GRIP1: variants seen among roughly 807,000 people sequenced by gnomAD.
GRIP1 encodes the protein glutamate receptor-interacting protein 1.
A neutral mutation model predicts 129.9 loss-of-function variants in GRIP1; 45 were observed. That is an observed-to-expected ratio of 0.35 (90% CI 0.27 to 0.44). The LOEUF (loss-of-function observed/expected upper bound fraction) is 0.44. Among genes scored for constraint, GRIP1 ranks in the 20% least tolerant of loss-of-function variants. The pLI is 1.00. For missense variants in GRIP1, 1,196 were observed against 1,396.8 expected (o/e 0.86, Z 2.29); for synonymous variants, 530 against 520.8 (o/e 1.02, Z -0.24).
chr12:66,684,156 AT>A (rs2034691105), intron 1 of GRIP1, among the ~76,000 whole-genome samples: 1 of 152,156 alleles, frequency 6.6e-6, no homozygotes, highest in Non-Finnish European at 1.5e-5. Context: ...GCCACTTTGT[AT>A]TTGGTAGGAA....
chr12:66,538,971 A>G, intron 4 of GRIP1, 107 bp downstream of exon 4: 1 of 915,244 alleles, frequency 1.1e-6, no homozygotes, highest in Non-Finnish European at 1.8e-6. Context: ...ATGTATGTAT[A>G]GAAAAAAACC....
At chr12:66,459,875 G>A (rs7313348) in intron 9 of GRIP1, among the ~76,000 whole-genome samples, 34,302 of 152,058 alleles carry the variant, frequency 0.23, 4,414 homozygotes, top group Middle Eastern at 0.4. Flanking sequence ...ATAATAAGAT[G>A]TTACATTTTT....
chr12:66,883,052 G>A (rs569237468), intron 1 of GRIP1, among the ~76,000 whole-genome samples: 2 of 152,122 alleles, frequency 1.3e-5, no homozygotes, highest in African/African-American at 2.4e-5. Flanking sequence ...CAAGTTATGA[G>A]TCTACTACCC....
intron 1 of GRIP1, among the ~76,000 whole-genome samples, chr12:67,064,539 C>T (rs1012667966): frequency 6.6e-6 from 1 of 152,150 alleles, no homozygotes; most frequent in Non-Finnish European, 1.5e-5. Context: ...TAACATGGTG[C>T]CTGAAACAAA....
upstream of GRIP1, among the ~76,000 whole-genome samples, chr12:66,681,162 C>G (rs1044977163): frequency 1.3e-5 from 2 of 152,156 alleles, no homozygotes; most frequent in African/African-American, 4.8e-5. Flanking sequence ...TCCTATTAGT[C>G]TGCCCAGGTG....
intron 1 of GRIP1, among the ~76,000 whole-genome samples, chr12:66,949,962 G>T (rs1407009127): frequency 6.6e-6 from 1 of 151,196 alleles, no homozygotes; most frequent in Non-Finnish European, 1.5e-5. Flanking sequence ...ATTTTTAGTA[G>T]AGATGGGGTT....
chr12:66,856,287 A>G (rs550437172), intron 1 of GRIP1, among the ~76,000 whole-genome samples: 2 of 152,174 alleles, frequency 1.3e-5, no homozygotes, highest in Non-Finnish European at 2.9e-5. Context: ...AAACCTAGGC[A>G]ATACCATTCA....
At chr12:66,476,950 C>A (rs1212780958) in intron 7 of GRIP1, among the ~76,000 whole-genome samples, 4 of 152,142 alleles carry the variant, frequency 2.6e-5, no homozygotes, top group Non-Finnish European at 4.4e-5. Context: ...TGGAAGCATT[C>A]CCTTTGAAAA....
chr12:66,363,608 TTAAA>T (rs933484564), intron 23 of GRIP1, among the ~76,000 whole-genome samples: 16 of 151,964 alleles, frequency 1.1e-4, no homozygotes, highest in Non-Finnish European at 2.1e-4. Context: ...TGCTAATGAG[TTAAA>T]TAAACATTTT....
chr12:66,767,356 G>C (rs2037673451), intron 1 of GRIP1, among the ~76,000 whole-genome samples: 1 of 151,998 alleles, frequency 6.6e-6, no homozygotes. Flanking sequence ...AAGCATCTAA[G>C]GACAAGAGGC....
chr12:66,640,893 C>A (rs1191282627), intron 1 of GRIP1, among the ~76,000 whole-genome samples: 1 of 152,136 alleles, frequency 6.6e-6, no homozygotes, highest in Non-Finnish European at 1.5e-5. Flanking sequence ...GTTCATAAAT[C>A]CCACTGGGGG....
chr12:66,351,103 G>C (rs2054201191), intron 24 of GRIP1, among the ~76,000 whole-genome samples: 1 of 152,176 alleles, frequency 6.6e-6, no homozygotes, highest in Non-Finnish European at 1.5e-5. Context: ...CCTAGGATAA[G>C]ACTAATTGTT....
chr12:66,617,433 G>A (rs1203077041), intron 1 of GRIP1, among the ~76,000 whole-genome samples: 4 of 151,690 alleles, frequency 2.6e-5, no homozygotes, highest in Non-Finnish European at 5.9e-5. Flanking sequence ...TGATATCAGC[G>A]AACTTGAATC....
At chr12:66,604,486 A>G (rs1418616889) in intron 1 of GRIP1, among the ~76,000 whole-genome samples, 1 of 152,242 alleles carries the variant, frequency 6.6e-6, no homozygotes, top group Non-Finnish European at 1.5e-5. Flanking sequence ...AAGGGCTGGA[A>G]TGTATTCCAT....
In GRIP1 at chr12:66,478,596, G is replaced by C. The variant is rs533416740; in HGVS notation, c.725-13174C>G. ...ATGCACACGTATGTTTATTGCGGCA[G>C]TACTCACAATAGCAAAGACTTGGAA... On this transcript the variant is annotated intron_variant, in intron 7 of 24. Transcript: ENST00000359742. Among the ~76,000 whole-genome samples, 18 of 152,194 alleles carry C rather than the reference G, an allele frequency of 1.2e-4. No homozygotes were observed. In the East Asian group the frequency reaches 3.3e-3, roughly 28 times the overall value.
chr12:66,816,729 A>G (rs1397630040), intron 1 of GRIP1, among the ~76,000 whole-genome samples: 5 of 152,132 alleles, frequency 3.3e-5, no homozygotes, highest in Admixed American at 2.0e-4. Flanking sequence ...TTTTTATCCT[A>G]TATCAATGAA....
chr12:66,815,844 CTTTCTT>C (rs779197408), intron 1 of GRIP1, among the ~76,000 whole-genome samples: 27 of 42,074 alleles, frequency 6.4e-4, no homozygotes, highest in Non-Finnish European at 1.5e-3. Flanking sequence ...TTCTTTCTTT[CTTTCTT>C]TCTTTCTCTC....
At chr12:66,942,966 T>C (rs2041611214) in intron 1 of GRIP1, among the ~76,000 whole-genome samples, 1 of 152,210 alleles carries the variant, frequency 6.6e-6, no homozygotes, top group South Asian at 2.1e-4. Context: ...CTGGATCTGC[T>C]GCCACCTTAT....
chr12:66,706,598 A>G (rs1459551629), intron 1 of GRIP1, among the ~76,000 whole-genome samples: 1 of 152,156 alleles, frequency 6.6e-6, no homozygotes, highest in African/African-American at 2.4e-5. Context: ...TTACAATACC[A>G]AAGACATGGA....
Sources: allele counts gnomAD v4.1 joint callset (sites outside exome capture counted in the v4.1 genomes callset), GRCh38; gene constraint gnomAD v4.1.1; transcripts MANE v1.5; gene names NCBI Gene and HGNC (gene_info 2026-07-23, HGNC 2026-07-21).